AKAP6: variants seen among roughly 807,000 people sequenced by gnomAD.
AKAP6 encodes A-kinase anchor protein 6.
In AKAP6, 58 loss-of-function variants were observed where a neutral mutation model predicts 188.5. The observed-to-expected ratio is 0.31, with a 90% CI of 0.25 to 0.38. The LOEUF is 0.38. Among genes scored for constraint, AKAP6 ranks in the 10% least tolerant of loss-of-function variants. The pLI, the probability that AKAP6 is intolerant of heterozygous loss-of-function variation, is 1.00. For synonymous variants in AKAP6, 989 were observed against 998.6 expected (o/e 0.99, Z 0.18); for missense variants, 2,710 against 2,740.0 (o/e 0.99, Z 0.24).
chr14:32,344,879 A>T (rs929808208), intron 1 of AKAP6, among the ~76,000 whole-genome samples: 1 of 149,180 alleles, frequency 6.7e-6, no homozygotes, highest in South Asian at 2.1e-4. Flanking sequence ...TAGCACCACT[A>T]CACTCCAGCC....
chr14:32,552,256 A>G (rs1366359231), intron 4 of AKAP6, among the ~76,000 whole-genome samples: 1 of 152,192 alleles, frequency 6.6e-6, no homozygotes, highest in Non-Finnish European at 1.5e-5. Context: ...TCAGGCCACC[A>G]TCTGTTTTAT....
chr14:32,724,105 A>G (rs997616172), intron 9 of AKAP6, among the ~76,000 whole-genome samples: 2 of 152,042 alleles, frequency 1.3e-5, no homozygotes, highest in Admixed American at 6.6e-5. Context: ...GAACCAGTTT[A>G]CTAGCATACT....
At chr14:32,798,955 C>T (rs1395133751) in intron 12 of AKAP6, among the ~76,000 whole-genome samples, 4 of 151,992 alleles carry the variant, frequency 2.6e-5, no homozygotes, top group Non-Finnish European at 5.9e-5. Context: ...CTGTTTTGAA[C>T]AGCTGCTGCC....
chr14:32,687,163 A>G (rs997550661), intron 8 of AKAP6, among the ~76,000 whole-genome samples: 5 of 152,218 alleles, frequency 3.3e-5, no homozygotes, highest in Non-Finnish European at 1.5e-5. Context: ...ATATACAAAT[A>G]TAACATCCCC....
chr14:32,382,640 T>C (rs1888402485), intron 1 of AKAP6, among the ~76,000 whole-genome samples: 1 of 152,180 alleles, frequency 6.6e-6, no homozygotes, highest in Non-Finnish European at 1.5e-5. Flanking sequence ...CATCTCAGAA[T>C]GAAAAATTGG....
At chr14:32,688,807 G>A (rs1318049949) in intron 8 of AKAP6, among the ~76,000 whole-genome samples, 1 of 152,168 alleles carries the variant, frequency 6.6e-6, no homozygotes, top group Non-Finnish European at 1.5e-5. Flanking sequence ...TCCAAGCATA[G>A]CACTCTCTGG....
At chr14:32,767,032 A>G (rs1280619716) in intron 11 of AKAP6, among the ~76,000 whole-genome samples, 1 of 152,166 alleles carries the variant, frequency 6.6e-6, no homozygotes, top group Non-Finnish European at 1.5e-5. Context: ...GTGGATATCC[A>G]GTTGTCTCAG....
intron 7 of AKAP6, among the ~76,000 whole-genome samples, chr14:32,660,267 A>G (rs1424689675): frequency 6.6e-6 from 1 of 152,146 alleles, no homozygotes; most frequent in Non-Finnish European, 1.5e-5. Context: ...ACTTTCCAGG[A>G]TGAGGCAATG....
At chr14:32,510,392 G>A (rs58132558) in intron 2 of AKAP6, among the ~76,000 whole-genome samples, 53 of 35,976 alleles carry the variant, frequency 1.5e-3, no homozygotes, top group East Asian at 2.9e-3. Context: ...ATATATATAT[G>A]TGTATATATA....
Position 32,331,410 on chromosome 14 carries a change from C to T in AKAP6, c.-35+2002C>T, listed in dbSNP as rs1329239675. Among the ~76,000 whole-genome samples, 3 of 152,050 alleles carry T rather than the reference C, an allele frequency of 2.0e-5. No individual in the cohort carries two copies. The East Asian group carries it at 5.8e-4, about 30-fold the overall frequency. Reference sequence around the variant, plus strand: ...GGGCGCTGGTGGGTGTGGACTGACGCAGTTATCTAGTGGAACATCCTCCCG... The same window carrying T: ...GGGCGCTGGTGGGTGTGGACTGACGTAGTTATCTAGTGGAACATCCTCCCG... On this transcript the variant is annotated intron_variant, in intron 1 of 13. Transcript: ENST00000280979.
At chr14:32,499,823 T>A (rs7149109) in intron 2 of AKAP6, among the ~76,000 whole-genome samples, 2,076 of 152,060 alleles carry the variant, frequency 0.014, 53 homozygotes, top group African/African-American at 0.048. Flanking sequence ...AGTATTAGTT[T>A]GTTACATGGT....
intron 7 of AKAP6, among the ~76,000 whole-genome samples, chr14:32,601,461 A>G (rs1885925231): frequency 1.3e-5 from 2 of 152,232 alleles, no homozygotes; most frequent in Admixed American, 1.3e-4. Context: ...ATTGAACTTT[A>G]AATGAGGCAC....
At chr14:32,712,519 A>G (rs1330652882) in intron 9 of AKAP6, among the ~76,000 whole-genome samples, 1 of 152,060 alleles carries the variant, frequency 6.6e-6, no homozygotes, top group Non-Finnish European at 1.5e-5. Flanking sequence ...TCAAAATTGG[A>G]GTTAATCCTC....
chr14:32,412,654 T>C (rs1889526308), intron 1 of AKAP6, among the ~76,000 whole-genome samples: 1 of 152,170 alleles, frequency 6.6e-6, no homozygotes, highest in Non-Finnish European at 1.5e-5. Flanking sequence ...GTTGAGTTCT[T>C]AGGAAGTGAA....
At position 32,823,176 on chromosome 14, in the gene AKAP6, A is replaced by C. The variant is rs1230419695; in HGVS notation, c.5363A>C (p.Asp1788Ala). The C allele has an allele frequency of 6.2e-7, 1 of 1,613,750 alleles. No individual in the cohort carries two copies. Among genetic ancestry groups the C allele is most frequent in the Non-Finnish European group, 8.5e-7 (1 of 1,179,870 alleles). Residue 1788 changes from aspartate (D) to alanine (A), a missense_variant, in exon 13 of 14, where the codon GAC becomes GCC. Asp to Ala is a moderately radical substitution (Grantham distance 126, BLOSUM62 -2). Coordinates refer to ENST00000280979, the MANE Select transcript of AKAP6 (RefSeq NM_004274.5). ...SIATDDEIYE[D>A]CTLMSGLDYI... The stretch of plus-strand genomic sequence containing the variant: ...GCAACAGATGATGAAATTTATGAAG[A>C]CTGCACCTTGATGTCAGGGCTAGAC...
intron 3 of AKAP6, among the ~76,000 whole-genome samples, 194 bp downstream of exon 3, chr14:32,535,999 T>C (rs533197115): frequency 2.2e-4 from 33 of 152,360 alleles, no homozygotes; most frequent in African/African-American, 7.9e-4. Context: ...AGTTAGCTCA[T>C]ACCTGGTAAT....
chr14:32,612,968 C>A (rs964453888), intron 7 of AKAP6, among the ~76,000 whole-genome samples: 2 of 152,148 alleles, frequency 1.3e-5, no homozygotes, highest in African/African-American at 2.4e-5. Context: ...CTATTTGAAT[C>A]GCTATCAAAG....
intron 1 of AKAP6, among the ~76,000 whole-genome samples, chr14:32,421,566 C>T (rs1020106990): frequency 1.9e-4 from 28 of 150,850 alleles, no homozygotes; most frequent in Non-Finnish European, 3.8e-4. Flanking sequence ...TCTTTTTTAC[C>T]GAAATCATAT....
intron 5 of AKAP6, among the ~76,000 whole-genome samples, chr14:32,598,515 C>G (rs1302200799): frequency 6.6e-6 from 1 of 152,084 alleles, no homozygotes; most frequent in African/African-American, 2.4e-5. Flanking sequence ...CAATGGATAT[C>G]CACAATTCCT....
Sources: gnomAD v4.1 joint callset for allele counts (sites outside exome capture counted in the v4.1 genomes callset) on GRCh38, gnomAD v4.1.1 for gene constraint, MANE v1.5 for transcripts, NCBI Gene and HGNC (gene_info 2026-07-23, HGNC 2026-07-21) for gene names.